SBF2: variants seen among roughly 807,000 people sequenced by gnomAD.
The protein encoded by SBF2 is myotubularin-related protein 13.
SBF2 carries 112 observed loss-of-function variants against 225.2 expected under a neutral mutation model. The observed-to-expected ratio is 0.50, with a 90% CI of 0.43 to 0.58. The LOEUF (loss-of-function observed/expected upper bound fraction) is 0.58. Among genes scored for constraint, SBF2 ranks in the 20% least tolerant of loss-of-function variants. The pLI, the probability that SBF2 is intolerant of heterozygous loss-of-function variation, is 0.00. For synonymous variants in SBF2, 763 were observed against 773.3 expected (o/e 0.99, Z 0.22); for missense variants, 1,996 against 2,206.2 (o/e 0.90, Z 1.91).
chr11:10,197,402 T>C (rs1957417079), intron 1 of SBF2, among the ~76,000 whole-genome samples: 1 of 152,260 alleles, frequency 6.6e-6, no homozygotes, highest in African/African-American at 2.4e-5. Flanking sequence ...GTTTACACTA[T>C]ACTGTAGTCT....
chr11:9,883,473 G>C (rs1025961960), intron 17 of SBF2, among the ~76,000 whole-genome samples: 1 of 152,146 alleles, frequency 6.6e-6, no homozygotes, highest in Admixed American at 6.5e-5. Context: ...TGATGGTTAA[G>C]GGAATAGGTT....
chr11:9,852,775 T>C (rs1287605272), intron 20 of SBF2, 26 bp from the exon 21 acceptor site: 6 of 1,518,738 alleles, frequency 4.0e-6, no homozygotes, highest in Admixed American at 1.7e-5. Flanking sequence ...GTATTCAAAA[T>C]GAAAGAACAC....
chr11:9,884,473 A>G (rs1471419486), intron 17 of SBF2, among the ~76,000 whole-genome samples: 1 of 152,256 alleles, frequency 6.6e-6, no homozygotes, highest in African/African-American at 2.4e-5. Flanking sequence ...GCAGGTTGGC[A>G]TTAGGAATTC....
At chr11:10,212,318 G>A (rs78121551) in intron 1 of SBF2, among the ~76,000 whole-genome samples, 60 of 152,206 alleles carry the variant, frequency 3.9e-4, no homozygotes, top group African/African-American at 1.3e-3. Context: ...GGAACACAAC[G>A]GTGTCCTGAG....
chr11:10,067,844 A>G (rs1049746793), intron 2 of SBF2, among the ~76,000 whole-genome samples: 1 of 152,174 alleles, frequency 6.6e-6, no homozygotes, highest in Non-Finnish European at 1.5e-5. Flanking sequence ...GTAAGCTATT[A>G]TCATGCCACT....
At chr11:10,147,191 C>T (rs1335788454) in intron 2 of SBF2, among the ~76,000 whole-genome samples, 1 of 152,084 alleles carries the variant, frequency 6.6e-6, no homozygotes, top group Non-Finnish European at 1.5e-5. Context: ...GCAGAACTAT[C>T]ATTTGACCCA....
chr11:10,215,960 T>C (rs778102951), intron 1 of SBF2, among the ~76,000 whole-genome samples: 6 of 152,226 alleles, frequency 3.9e-5, no homozygotes, highest in Admixed American at 6.5e-5. Flanking sequence ...TTCAAACTCA[T>C]TTATCTGCTT....
rs186466366 is a variant in SBF2, at chr11:10,080,368, G to A, written c.142-37387C>T. On this transcript the variant is annotated intron_variant, in intron 2 of 39. Transcript: ENST00000256190. ...TGATGGAATTCATCACCACTAGACC[G>A]GTCCTATCAAAAAAACTCAAAGAAG... Among the ~76,000 whole-genome samples the A allele has an allele frequency of 3.3e-5, 5 of 151,038 alleles. No individual in the cohort carries two copies. The East Asian group carries it at 5.8e-4, about 18-fold the overall frequency.
upstream of SBF2, among the ~76,000 whole-genome samples, chr11:10,294,694 C>T (rs1055515763): frequency 6.6e-6 from 1 of 152,204 alleles, no homozygotes; most frequent in Admixed American, 6.5e-5. Context: ...ACCGAGCAGA[C>T]GGGGGAGGGA....
At chr11:10,071,825 C>T (rs1950892992) in intron 2 of SBF2, among the ~76,000 whole-genome samples, 1 of 152,134 alleles carries the variant, frequency 6.6e-6, no homozygotes, top group South Asian at 2.1e-4. Flanking sequence ...TTGAACCAGC[C>T]TTGCATCTCA....
chr11:9,828,581 A>G, intron 28 of SBF2: 2 of 985,434 alleles, frequency 2.0e-6, no homozygotes, highest in Non-Finnish European at 2.4e-6. Flanking sequence ...CCTGTGTCTA[A>G]CACATTAGGG....
chr11:9,828,605 A>G, intron 28 of SBF2: 1 of 985,456 alleles, frequency 1.0e-6, no homozygotes, highest in Non-Finnish European at 1.2e-6. Context: ...CCTCTACATG[A>G]ACCCTTTGGG....
intron 2 of SBF2, among the ~76,000 whole-genome samples, chr11:10,113,056 C>T (rs1269816075): frequency 1.3e-5 from 2 of 151,970 alleles, no homozygotes; most frequent in African/African-American, 4.8e-5. Context: ...GGCAGTGGAT[C>T]AATCTCAGCT....
intron 2 of SBF2, chr11:10,165,039 G>A (rs1472171326): frequency 6.6e-6 from 1 of 152,246 alleles, no homozygotes; most frequent in Non-Finnish European, 1.5e-5. Flanking sequence ...ACAACTGGAT[G>A]TGAAAGGTGC....
intron 1 of SBF2, among the ~76,000 whole-genome samples, chr11:10,218,914 G>C (rs1390017911): frequency 6.6e-6 from 1 of 152,216 alleles, no homozygotes; most frequent in Non-Finnish European, 1.5e-5. Flanking sequence ...TGGCTTTGCA[G>C]GGTATAGCCC....
At position 10,063,561 on chromosome 11, in the gene SBF2, G is replaced by A. The variant is rs1219402296; in HGVS notation, c.142-20580C>T. 8.6e-5 allele frequency among the ~76,000 whole-genome samples: 13 copies of A among 151,578 alleles called. 1 individual carries two copies. The highest frequency in any genetic ancestry group is 3.4e-3 in the Middle Eastern group (1 of 294). ...TTTTAGTAGAGACGGGTTTCATCAT[G>A]TTAGCCAGGATGGTCTCGATCTCCT... On this transcript the variant is annotated intron_variant, in intron 2 of 39. Transcript: ENST00000256190.
intron 14 of SBF2, among the ~76,000 whole-genome samples, chr11:9,967,574 G>T (rs1233661681): frequency 6.6e-6 from 1 of 152,090 alleles, no homozygotes; most frequent in East Asian, 1.9e-4. Context: ...GGTTTGGGGA[G>T]GAAATGGGGA....
intron 1 of SBF2, among the ~76,000 whole-genome samples, chr11:10,280,224 C>T (rs775804379): frequency 5.9e-5 from 9 of 152,008 alleles, no homozygotes; most frequent in African/African-American, 1.7e-4. Context: ...CCAAGATTAA[C>T]GAAATGACAA....
chr11:10,246,732 C>T (rs762662592), intron 1 of SBF2, among the ~76,000 whole-genome samples: 1 of 152,180 alleles, frequency 6.6e-6, no homozygotes, highest in Non-Finnish European at 1.5e-5. Flanking sequence ...ACAAACAAAA[C>T]TCCAAATCCA....
Sources: gnomAD v4.1 joint callset for allele counts (sites outside exome capture counted in the v4.1 genomes callset) on GRCh38, gnomAD v4.1.1 for gene constraint, MANE v1.5 for transcripts, NCBI Gene and HGNC (gene_info 2026-07-23, HGNC 2026-07-21) for gene names.